CD8B: variants seen among roughly 807,000 people sequenced by gnomAD.
CD8B encodes T-cell surface glycoprotein CD8 beta chain.
A neutral mutation model predicts 24.2 loss-of-function variants in CD8B; 6 were observed. The observed-to-expected ratio is 0.25, with a 90% confidence interval of 0.14 to 0.49. CD8B has a LOEUF of 0.49. Ranked by LOEUF, CD8B falls within the 20% of genes least tolerant of loss-of-function variation. CD8B has a pLI of 0.98. For missense variants in CD8B, 196 were observed against 271.3 expected (o/e 0.72, Z 1.95); for synonymous variants, 84 against 108.3 (o/e 0.78, Z 1.39).
At chr2:86,846,494 G>A (rs1675682856) in intron 4 of CD8B, among the ~76,000 whole-genome samples, 190 bp downstream of exon 4, 1 of 152,162 alleles carries the variant, frequency 6.6e-6, no homozygotes, top group Non-Finnish European at 1.5e-5. Flanking sequence ...CCTGACTCCA[G>A]GGACAGGGTA....
chr2:86,819,843 G>T (rs1166069463), intron 5 of CD8B, among the ~76,000 whole-genome samples: 1 of 152,182 alleles, frequency 6.6e-6, no homozygotes, highest in East Asian at 1.9e-4. Flanking sequence ...CTTCTGGAAA[G>T]GATTCACCAT....
chr2:86,821,968 G>T (rs898404676), intron 5 of CD8B, among the ~76,000 whole-genome samples: 1 of 152,152 alleles, frequency 6.6e-6, no homozygotes, highest in African/African-American at 2.4e-5. Flanking sequence ...TTCAGGTTCT[G>T]TATTGTATGT....
At chr2:86,818,142 G>T (rs1274371361) in intron 5 of CD8B, among the ~76,000 whole-genome samples, 1 of 152,094 alleles carries the variant, frequency 6.6e-6, no homozygotes, top group Non-Finnish European at 1.5e-5. Flanking sequence ...CTGGGAGATG[G>T]AGGTTGCTGT....
intron 5 of CD8B, chr2:86,822,363 T>C: frequency 1.3e-6 from 2 of 1,584,842 alleles, no homozygotes; most frequent in East Asian, 2.2e-5. Flanking sequence ...CTCCAGTGGA[T>C]GTAATCTTAG....
chr2:86,835,899 A>T (rs1194802538), downstream of CD8B, among the ~76,000 whole-genome samples: 2 of 151,814 alleles, frequency 1.3e-5, no homozygotes, highest in Non-Finnish European at 2.9e-5. Flanking sequence ...TCACTCTTGG[A>T]GCCACGCAAG....
chr2:86,827,992 G>C (rs573964009), intron 5 of CD8B, among the ~76,000 whole-genome samples: 1 of 152,244 alleles, frequency 6.6e-6, no homozygotes, highest in East Asian at 1.9e-4. Flanking sequence ...GGTATCAGTG[G>C]GTGGTCTACA....
chr2:86,853,612 G>C (rs1278918851), intron 2 of CD8B, among the ~76,000 whole-genome samples: 1 of 152,148 alleles, frequency 6.6e-6, no homozygotes, highest in Non-Finnish European at 1.5e-5. Context: ...CTAGAGATGG[G>C]GTTCAGCTTG....
chr2:86,853,370 A>G (rs971469893), intron 2 of CD8B, among the ~76,000 whole-genome samples: 3 of 151,982 alleles, frequency 2.0e-5, no homozygotes, highest in African/African-American at 7.3e-5. Context: ...TGAGCTTGGG[A>G]AGTCAAGGCT....
chr2:86,830,343 A>C (rs1254006167), intron 5 of CD8B, among the ~76,000 whole-genome samples: 2 of 152,072 alleles, frequency 1.3e-5, no homozygotes, highest in Non-Finnish European at 2.9e-5. Flanking sequence ...CACTTTGGCG[A>C]GTCAGTTGAG....
intron 2 of CD8B, among the ~76,000 whole-genome samples, chr2:86,853,792 G>C (rs1355043347): frequency 7.2e-5 from 11 of 152,112 alleles, no homozygotes. Flanking sequence ...TGCAACCTTT[G>C]CCTCCCAGGT....
intron 1 of CD8B, among the ~76,000 whole-genome samples, chr2:86,861,152 T>A (rs1405896956): frequency 6.6e-6 from 1 of 152,084 alleles, no homozygotes; most frequent in Admixed American, 6.5e-5. Flanking sequence ...AATCGACCAG[T>A]TTGGGTAGTT....
chr2:86,838,308 G>A lies in CD8B; in HGVS notation c.*3999C>T, dbSNP rs113771024. On this transcript the variant is annotated 3_prime_UTR_variant, in exon 6 of 6. Transcript: ENST00000390655. ...TAACAGCTGAAAGTAAATCCTTACA[G>A]ACCTTTTCCTGTACATATACAAACA... Among the ~76,000 whole-genome samples, 7,518 of 152,212 alleles carry A rather than the reference G, an allele frequency of 0.049. 565 individuals are homozygous for A. Among genetic ancestry groups the A allele is most frequent in the African/African-American group, 0.16 (6,669 of 41,498 alleles).
At chr2:86,845,082 C>T (rs1675612692) in intron 4 of CD8B, 124 bp from the exon 5 acceptor site, 4 of 1,350,318 alleles carry the variant, frequency 3.0e-6, no homozygotes, top group Non-Finnish European at 3.0e-6. Context: ...GGTCCCAGAC[C>T]CTGGCCCAAA....
chr2:86,854,524 A>G (rs1043537900), intron 2 of CD8B, among the ~76,000 whole-genome samples: 3 of 152,160 alleles, frequency 2.0e-5, no homozygotes, highest in Admixed American at 6.5e-5. Context: ...TTGGGACCCC[A>G]AACCCCTGTC....
intron 3 of CD8B, among the ~76,000 whole-genome samples, chr2:86,847,231 C>A (rs1232457466): frequency 6.6e-6 from 1 of 152,048 alleles, no homozygotes; most frequent in Non-Finnish European, 1.5e-5. Flanking sequence ...GCCACCATGT[C>A]CGGCCATCGT....
At chr2:86,854,031 G>A (rs1173919366) in intron 2 of CD8B, among the ~76,000 whole-genome samples, 1 of 151,034 alleles carries the variant, frequency 6.6e-6, no homozygotes, top group Non-Finnish European at 1.5e-5. Flanking sequence ...ACGAGCCACC[G>A]CACCCGGCCG....
Position 86,838,565 on chromosome 2 carries a change from C to G in CD8B, c.*3742G>C, listed in dbSNP as rs1675272702. The stretch of plus-strand genomic sequence containing the variant: ...CCAGGCTGGAGTGCAGTGGCGTGAT[C>G]ACAGCTCACTGCAGTCTGAAACTCC... On this transcript the variant is annotated 3_prime_UTR_variant, in exon 6 of 6. Coordinates refer to ENST00000390655, the MANE Select transcript of CD8B (RefSeq NM_004931.5). 6.6e-6 allele frequency among the ~76,000 whole-genome samples: 1 copy of G among 152,126 alleles called. No homozygotes were observed. Among genetic ancestry groups the G allele is most frequent in the Admixed American group, 6.5e-5 (1 of 15,280 alleles).
chr2:86,841,894 G>A lies in CD8B; in HGVS notation c.*413C>T, dbSNP rs1272830930. On this transcript the variant is annotated 3_prime_UTR_variant, in exon 6 of 6. Transcript: ENST00000390655. ...CCCAGCCTGGGAAGACCAAGAGGGAGCCAGCCCAGCATCACCCCATGAAAG... is the reference window on the plus strand; with the variant it reads ...CCCAGCCTGGGAAGACCAAGAGGGAACCAGCCCAGCATCACCCCATGAAAG... The A allele has an allele frequency of 2.0e-6, 2 of 988,746 alleles. No homozygotes were observed. The highest frequency in any genetic ancestry group is 3.5e-5 in the African/African-American group (2 of 57,386). The allele number at this position is 988,746 out of a possible 1,614,324, so 61.2% of individuals were successfully genotyped here.
chr2:86,837,880 T>C (rs1486502716), downstream of CD8B, among the ~76,000 whole-genome samples: 1 of 152,160 alleles, frequency 6.6e-6, no homozygotes, highest in Non-Finnish European at 1.5e-5. Flanking sequence ...ACTATAGATG[T>C]TCTCCTTCAG....
Sources: gnomAD v4.1 joint callset for allele counts (sites outside exome capture counted in the v4.1 genomes callset) on GRCh38, gnomAD v4.1.1 for gene constraint, MANE v1.5 for transcripts, NCBI Gene and HGNC (gene_info 2026-07-23, HGNC 2026-07-21) for gene names.